ACOX3: variants seen among roughly 807,000 people sequenced by gnomAD.
ACOX3 encodes acyl-CoA oxidase 3, pristanoyl.
ACOX3 carries 73 observed loss-of-function variants against 81.5 expected under a neutral mutation model. The observed-to-expected ratio is 0.90, with a 90% CI of 0.74 to 1.09. The LOEUF (loss-of-function observed/expected upper bound fraction) is 1.09, where lower values mean the gene tolerates loss of function less well. ACOX3 is among the 50% of genes least tolerant of loss of function. ACOX3 has a pLI of 0.00. For missense variants in ACOX3, 947 were observed against 928.0 expected (o/e 1.02, Z -0.27); for synonymous variants, 387 against 375.1 (o/e 1.03, Z -0.37).
intron 14 of ACOX3, among the ~76,000 whole-genome samples, chr4:8,376,303 C>T (rs1716951367): frequency 6.6e-6 from 1 of 151,682 alleles, no homozygotes; most frequent in Admixed American, 6.6e-5. Flanking sequence ...AAACAACACA[C>T]GCATTGCTTG....
rs555660999 is a variant in ACOX3 at position 8,372,748 on chromosome 4, T to TAA, written c.1896+812_1896+813insTT. Among the ~76,000 whole-genome samples the TAA allele has an allele frequency of 3.5e-3, 528 of 152,048 alleles. 2 individuals carry two copies. The highest frequency in any genetic ancestry group is 6.8e-3 in the Middle Eastern group (2 of 294). On this transcript the variant is annotated intron_variant, in intron 16 of 17. Transcript: ENST00000356406. Reference sequence around the variant, plus strand: ...AGTGTGAAAGCAGTGACAGGGGAGATGAAAGGCCACGTCTGCAGTCACCTG... The same window carrying TAA: ...AGTGTGAAAGCAGTGACAGGGGAGATAAGAAAGGCCACGTCTGCAGTCACCTG...
At position 8,381,572 on chromosome 4, in the gene ACOX3, G is replaced by A; in HGVS notation, c.1573C>T (p.Leu525=). ...AATTTTTGATAAGTCTCTCGGAGCA[G>A]GTAGCAAACCAGCCACTTGTATGCT... is the stretch of plus-strand genomic sequence containing the variant. ...LAAYKWLVCY[L]LRETYQKLNQ... is the part of the protein sequence containing the mutation. The change falls in exon 14 of 18, where the codon CTG becomes TTG. Residue 525 remains leucine, a synonymous_variant. Coordinates refer to ENST00000356406, the MANE Select transcript of ACOX3 (RefSeq NM_003501.3). The surrounding 1 kb of genome is among the most constrained non-coding windows in gnomAD (Gnocchi z 4.3). The A allele has an allele frequency of 6.2e-7, 1 of 1,613,944 alleles. No homozygotes were observed. The highest frequency in any genetic ancestry group is 8.5e-7 in the Non-Finnish European group (1 of 1,179,960).
At chr4:8,365,600 G>A (rs540036248), downstream of ACOX3, among the ~76,000 whole-genome samples, 117 of 152,240 alleles carry the variant, frequency 7.7e-4, no homozygotes, top group Middle Eastern at 3.4e-3. Context: ...TGCAGCAAAC[G>A]GCACAGCTCA....
the ACOX3 span, among the ~76,000 whole-genome samples, chr4:8,359,705 A>C: frequency 2.6e-5 from 4 of 152,038 alleles, no homozygotes; most frequent in South Asian, 4.2e-4. The surrounding 1 kb of genome is among the most constrained non-coding windows in gnomAD (Gnocchi z 6.0). Flanking sequence ...GCAGCCACCT[A>C]AACTTTTCAG....
rs542849760 is a variant in ACOX3 at position 8,369,616 on chromosome 4, C to A, written c.1983+1292G>T. 3.8e-3 allele frequency among the ~76,000 whole-genome samples: 579 copies of A among 152,342 alleles called. 4 individuals are homozygous for A. Among genetic ancestry groups the A allele is most frequent in the Non-Finnish European group, 6.9e-3 (470 of 68,034 alleles). Reference sequence around the variant, plus strand: ...CTGCCCACCCGGCTCCTGGCACTACCTGCCTCTTGGCACACCTAGCCCAAC... The same window carrying A: ...CTGCCCACCCGGCTCCTGGCACTACATGCCTCTTGGCACACCTAGCCCAAC... On this transcript the variant is annotated intron_variant, in intron 17 of 17. Coordinates refer to ENST00000356406, the MANE Select transcript of ACOX3 (RefSeq NM_003501.3).
At chr4:8,402,717 CGT>C (rs953157215) in intron 7 of ACOX3, among the ~76,000 whole-genome samples, 5 of 152,300 alleles carry the variant, frequency 3.3e-5, no homozygotes, top group East Asian at 1.9e-4. Flanking sequence ...GAGACGTGTG[CGT>C]GTGTCACAGG....
chr4:8,405,242 G>A lies in ACOX3; in HGVS notation c.776+713C>T, dbSNP rs529721128. ...CCTACCCCGCCTGCATCCCAGCACAGGCCTGGGCCTGACACTTCCCACTGC... is the reference window on the plus strand; with the variant it reads ...CCTACCCCGCCTGCATCCCAGCACAAGCCTGGGCCTGACACTTCCCACTGC... On this transcript the variant is annotated intron_variant, in intron 7 of 17. Coordinates refer to ENST00000356406, the MANE Select transcript of ACOX3 (RefSeq NM_003501.3). This position sits in a 1 kb window ranked among gnomAD's most constrained non-coding sequence, Gnocchi z 7.1. Among the ~76,000 whole-genome samples, 1 of 152,332 alleles carries A rather than the reference G, an allele frequency of 6.6e-6. No individual in the cohort carries two copies. The highest frequency in any genetic ancestry group is 1.9e-4 in the East Asian group (1 of 5,186).
At chr4:8,374,907 G>A in intron 15 of ACOX3, 71 bp downstream of exon 15, 1 of 1,425,318 alleles carries the variant, frequency 7.0e-7, no homozygotes, top group Non-Finnish European at 9.3e-7. Context: ...GGTGCAGGAA[G>A]CAGCTTCCTA....
In ACOX3 at chr4:8,431,801, G is replaced by A. The variant is rs189996592; in HGVS notation, c.-15+8847C>T. 1.9e-4 allele frequency among the ~76,000 whole-genome samples: 29 copies of A among 152,228 alleles called. No homozygotes were observed. Among genetic ancestry groups the A allele is most frequent in the African/African-American group, 6.3e-4 (26 of 41,518 alleles). The stretch of plus-strand genomic sequence containing the variant: ...CTTCTGTCCCACTTCTGCTCCCTTC[G>A]GCACACCGATTCCCTGCTCAGTTTT... On this transcript the variant is annotated intron_variant, in intron 1 of 17. Transcript: ENST00000356406. The surrounding 1 kb of genome is among the most constrained non-coding windows in gnomAD (Gnocchi z 5.3).
At position 8,384,423 on chromosome 4, in the gene ACOX3, C is replaced by G. The variant is rs999613977; in HGVS notation, c.1538-2816G>C. ...CGCTGAAACAAACTAGGCAGGAAAA[C>G]GGGCACTGACGGGCAGTGAATTCTC... On this transcript the variant is annotated intron_variant, in intron 13 of 17. Transcript: ENST00000356406. The surrounding 1 kb of genome is among the most constrained non-coding windows in gnomAD (Gnocchi z 5.3). Among the ~76,000 whole-genome samples, 1 of 152,144 alleles carries G rather than the reference C, an allele frequency of 6.6e-6. No individual in the cohort carries two copies. The highest frequency in any genetic ancestry group is 1.5e-5 in the Non-Finnish European group (1 of 68,026).
chr4:8,366,971 G>C lies in ACOX3; in HGVS notation c.2093C>G (p.Ser698Trp), dbSNP rs762558027. Residue 698 changes from serine (S) to tryptophan (W), a missense_variant, in exon 18 of 18, where the codon TCG (serine) becomes TGG (tryptophan). Physicochemically the swap from Ser to Trp is radical, Grantham distance 177. Transcript: ENST00000356406. Reference sequence around the variant, plus strand: ...TGTGTGCCAGTCCCACTAGAGCTTCGATTTCAGACTTCCTATGACAGGTTT... The same window carrying C: ...TGTGTGCCAGTCCCACTAGAGCTTCCATTTCAGACTTCCTATGACAGGTTT... ...VNKPVIGSLK[S>W]KL 1.9e-6 allele frequency: 3 copies of C among 1,613,900 alleles called. No homozygotes were observed. Among genetic ancestry groups the C allele is most frequent in the African/African-American group, 2.7e-5 (2 of 75,042 alleles).
chr4:8,379,271 C>T (rs1017108029), intron 14 of ACOX3, among the ~76,000 whole-genome samples: 1 of 152,188 alleles, frequency 6.6e-6, no homozygotes, highest in Non-Finnish European at 1.5e-5. Flanking sequence ...GAAGGGGCTG[C>T]GTCTCCCCTG....
rs1721154124 is a variant in ACOX3, at chr4:8,407,719, T to G, written c.688-1676A>C. Among the ~76,000 whole-genome samples, 1 of 152,328 alleles carries G rather than the reference T, an allele frequency of 6.6e-6. No homozygotes were observed. The highest frequency in any genetic ancestry group is 2.1e-4 in the South Asian group (1 of 4,824). On this transcript the variant is annotated intron_variant, in intron 6 of 17. Transcript: ENST00000356406. The surrounding 1 kb of genome is among the most constrained non-coding windows in gnomAD (Gnocchi z 4.6). ...AAATAGGTGTAGTGGGAGAAACGGC[T>G]ATGAATATTCTGGTCAATCACCGCT...
chr4:8,438,247 G>A (rs1031000552), intron 1 of ACOX3, among the ~76,000 whole-genome samples: 2 of 152,184 alleles, frequency 1.3e-5, no homozygotes, highest in African/African-American at 4.8e-5. Flanking sequence ...TAACTTTAAA[G>A]TCAGACAATA....
chr4:8,389,126 T>A lies in ACOX3; in HGVS notation c.1537+47A>T, dbSNP rs1718658241. ...GGCACGGTGCGTTTCCTGGTGGGAA[T>A]GACAGGAAATCAGGAGGCCAGGGGA... On this transcript the variant is annotated intron_variant, in intron 13 of 17. Coordinates refer to ENST00000356406, the MANE Select transcript of ACOX3 (RefSeq NM_003501.3). This position sits in a 1 kb window ranked among gnomAD's most constrained non-coding sequence, Gnocchi z 5.3. 1 of 1,515,384 alleles carries A rather than the reference T, an allele frequency of 6.6e-7. No homozygotes were observed. The highest frequency in any genetic ancestry group is 1.1e-5 in the South Asian group (1 of 87,778). 93.9% of individuals were successfully genotyped at this position (1,515,384 alleles called of 1,614,324 possible).
At chr4:8,429,019 CCTTTA>C (rs1723785601) in intron 1 of ACOX3, among the ~76,000 whole-genome samples, 1 of 152,194 alleles carries the variant, frequency 6.6e-6, no homozygotes, top group African/African-American at 2.4e-5. Context: ...AATCACCCAC[CCTTTA>C]CTTGTTTTTC....
rs1030826142 is a variant in ACOX3, at chr4:8,384,194, G to A, written c.1538-2587C>T. On this transcript the variant is annotated intron_variant, in intron 13 of 17. Coordinates refer to ENST00000356406, the MANE Select transcript of ACOX3 (RefSeq NM_003501.3). The surrounding 1 kb of genome is among the most constrained non-coding windows in gnomAD (Gnocchi z 5.3). ...GCTGTGGGCTTCAAGTGAGAGGGAC[G>A]CTTGAGAAATGAGTTATGTTTGCAC... is the stretch of plus-strand genomic sequence containing the variant. Among the ~76,000 whole-genome samples, 1 of 152,190 alleles carries A rather than the reference G, an allele frequency of 6.6e-6. No individual in the cohort carries two copies. Among genetic ancestry groups the A allele is most frequent in the Non-Finnish European group, 1.5e-5 (1 of 68,032 alleles).
At chr4:8,373,891 G>A (rs1000499410) in intron 15 of ACOX3, 87 of 549,406 alleles carry the variant, frequency 1.6e-4, no homozygotes, top group Non-Finnish European at 2.3e-4. Context: ...AGGCTCAGAG[G>A]TGACAGGTGG....
chr4:8,359,763 C>A, the ACOX3 span, among the ~76,000 whole-genome samples: 1 of 152,180 alleles, frequency 6.6e-6, no homozygotes, highest in African/African-American at 2.4e-5. The surrounding 1 kb of genome is among the most constrained non-coding windows in gnomAD (Gnocchi z 6.0). Context: ...GAGCGCCTCG[C>A]CTTCCCCATC....
Sources: allele counts gnomAD v4.1 joint callset (sites outside exome capture counted in the v4.1 genomes callset), GRCh38; gene constraint gnomAD v4.1.1; non-coding constraint Gnocchi (gnomAD v3.1); transcripts MANE v1.5; gene names NCBI Gene and HGNC (gene_info 2026-07-23, HGNC 2026-07-21).